The following LRP1B variants were observed in gnomAD, a reference collection of about 807,000 sequenced individuals.
LRP1B encodes LDL receptor related protein 1B, also known as low-density lipoprotein receptor-related protein 1B.
In LRP1B, 217 loss-of-function variants were observed where a neutral mutation model predicts 556.6. That is an observed-to-expected ratio of 0.39 (90% CI 0.35 to 0.44). The LOEUF is 0.44. LRP1B is among the 20% of genes least tolerant of loss of function. The probability of loss-of-function intolerance (pLI) is 1.00; values close to 1 mark genes in which losing one functional copy is unlikely to be tolerated. For synonymous variants in LRP1B, 2,047 were observed against 1,865.8 expected (o/e 1.10, Z -2.50); for missense variants, 5,053 against 5,620.8 (o/e 0.90, Z 3.23).
chr2:141,022,548 T>A (rs1048260172), intron 11 of LRP1B, among the ~76,000 whole-genome samples: 1 of 151,960 alleles, frequency 6.6e-6, no homozygotes, highest in East Asian at 1.9e-4. Context: ...ATGGAACAGT[T>A]AGACATATAG....
At chr2:141,732,487 C>T (rs1693311335) in intron 2 of LRP1B, among the ~76,000 whole-genome samples, 1 of 152,064 alleles carries the variant, frequency 6.6e-6, no homozygotes, top group African/African-American at 2.4e-5. Flanking sequence ...TTCACCAACC[C>T]TTCGTCTTTC....
At chr2:140,445,120 CT>C (rs903065917) in intron 63 of LRP1B, among the ~76,000 whole-genome samples, 1 of 151,590 alleles carries the variant, frequency 6.6e-6, no homozygotes, top group African/African-American at 2.4e-5. Context: ...CTCTCTCTCT[CT>C]TTTTTTTCTT....
chr2:141,432,941 T>C (rs1299512491), intron 3 of LRP1B, among the ~76,000 whole-genome samples: 1 of 152,042 alleles, frequency 6.6e-6, no homozygotes, highest in Non-Finnish European at 1.5e-5. Flanking sequence ...ACTTTAAGTT[T>C]AGTTTGCTAC....
intron 86 of LRP1B, among the ~76,000 whole-genome samples, chr2:140,258,205 A>G (rs1042281474): frequency 1.3e-5 from 2 of 152,094 alleles, no homozygotes; most frequent in Non-Finnish European, 2.9e-5. Context: ...ATTAGATTGG[A>G]ACAATCACAA....
At chr2:141,298,620 T>C (rs1013872251) in intron 3 of LRP1B, among the ~76,000 whole-genome samples, 1 of 152,082 alleles carries the variant, frequency 6.6e-6, no homozygotes, top group Admixed American at 6.5e-5. Context: ...TGTGCATCTT[T>C]TCCTTTGCTG....
At chr2:140,620,830 C>T (rs1683423861) in intron 41 of LRP1B, among the ~76,000 whole-genome samples, 1 of 151,930 alleles carries the variant, frequency 6.6e-6, no homozygotes, top group Admixed American at 6.6e-5. Flanking sequence ...ATATTGTAAA[C>T]CAGTTTTCTT....
At chr2:140,965,085 G>A (rs565710395) in intron 18 of LRP1B, among the ~76,000 whole-genome samples, 5 of 152,154 alleles carry the variant, frequency 3.3e-5, no homozygotes, top group African/African-American at 2.4e-5. Flanking sequence ...ACGTGAACAG[G>A]TTTTAAAAAT....
At chr2:141,989,026 A>C (rs901100435) in intron 1 of LRP1B, among the ~76,000 whole-genome samples, 3 of 152,034 alleles carry the variant, frequency 2.0e-5, no homozygotes, top group African/African-American at 7.2e-5. Flanking sequence ...TAAAATGATA[A>C]ATTTTCATTA....
intron 33 of LRP1B, among the ~76,000 whole-genome samples, chr2:140,774,935 A>T (rs1371918466): frequency 6.6e-6 from 1 of 152,162 alleles, no homozygotes; most frequent in Non-Finnish European, 1.5e-5. Flanking sequence ...AGGTATATGT[A>T]TGTATATACA....
intron 2 of LRP1B, among the ~76,000 whole-genome samples, chr2:141,777,771 A>G (rs1412758798): frequency 1.3e-5 from 2 of 152,168 alleles, no homozygotes; most frequent in Admixed American, 6.5e-5. Flanking sequence ...AGAACCTTCC[A>G]TAATCTTACT....
At chr2:140,290,661 A>T (rs1344701278) in intron 84 of LRP1B, among the ~76,000 whole-genome samples, 1 of 152,090 alleles carries the variant, frequency 6.6e-6, no homozygotes, top group East Asian at 1.9e-4. Context: ...GATCATTTTA[A>T]AAGTACTTTG....
intron 10 of LRP1B, among the ~76,000 whole-genome samples, chr2:141,053,286 C>A (rs563719985): frequency 6.6e-6 from 1 of 151,978 alleles, no homozygotes; most frequent in African/African-American, 2.4e-5. Flanking sequence ...TTTGCCGCTT[C>A]TGCTGGTATC....
intron 28 of LRP1B, among the ~76,000 whole-genome samples, chr2:140,851,177 T>C (rs1692446215): frequency 6.6e-6 from 1 of 152,202 alleles, no homozygotes; most frequent in South Asian, 2.1e-4. Context: ...GAGTTTTTTT[T>C]ACAAATCTTT....
chr2:141,041,969 G>A (rs1273100878), intron 11 of LRP1B, among the ~76,000 whole-genome samples: 1 of 151,996 alleles, frequency 6.6e-6, no homozygotes. Flanking sequence ...TACGAGGTAA[G>A]AATCAAAGGT....
chr2:141,939,247 T>C (rs1700723772), intron 1 of LRP1B, among the ~76,000 whole-genome samples: 1 of 152,050 alleles, frequency 6.6e-6, no homozygotes, highest in Non-Finnish European at 1.5e-5. Flanking sequence ...TTACACTGTA[T>C]ATATACACAC....
At position 140,902,933 on chromosome 2, in the gene LRP1B, A is replaced by C; in HGVS notation, c.3753T>G (p.Ser1251Arg). 1 of 1,613,432 alleles carries C rather than the reference A, an allele frequency of 6.2e-7. No individual in the cohort carries two copies. The highest frequency in any genetic ancestry group is 8.5e-7 in the Non-Finnish European group (1 of 1,179,554). ...ATAGTTACTTACCAACACTTGTACA[A>C]CTTTCACCGTCTACATCCAGCTTCC... ...EGWKLDVDGE[S>R]CTSVDPFEAF... The change falls in exon 23 of 91, where the codon AGT becomes AGG. Residue 1251 changes from serine (S) to arginine (R), a missense_variant. By Grantham distance (110) the Ser-to-Arg change is moderately radical. Coordinates refer to ENST00000389484, the MANE Select transcript of LRP1B (RefSeq NM_018557.3).
chr2:141,466,252 T>C (rs1420228143), intron 3 of LRP1B, among the ~76,000 whole-genome samples: 1 of 152,188 alleles, frequency 6.6e-6, no homozygotes, highest in Non-Finnish European at 1.5e-5. Flanking sequence ...AACCTATTCT[T>C]TTACTGGTAA....
intron 35 of LRP1B, among the ~76,000 whole-genome samples, chr2:140,728,174 T>C (rs1687658310): frequency 6.6e-6 from 1 of 152,190 alleles, no homozygotes; most frequent in African/African-American, 2.4e-5. Context: ...AAAATCCATT[T>C]TCTGGTTTTG....
At chr2:140,542,235 A>C (rs559809939) in intron 43 of LRP1B, among the ~76,000 whole-genome samples, 1 of 152,264 alleles carries the variant, frequency 6.6e-6, no homozygotes, top group African/African-American at 2.4e-5. Context: ...TGTGTATAAC[A>C]AGTGTATTGT....
Sources: allele counts gnomAD v4.1 joint callset (sites outside exome capture counted in the v4.1 genomes callset), GRCh38; gene constraint gnomAD v4.1.1; transcripts MANE v1.5; gene names NCBI Gene and HGNC (gene_info 2026-07-23, HGNC 2026-07-21).